Variants in PEAK1 observed in about 807,000 individuals in gnomAD.
PEAK1 encodes the protein pseudopodium enriched atypical kinase 1, also known as inactive tyrosine-protein kinase PEAK1.
A neutral mutation model predicts 124.7 loss-of-function variants in PEAK1; 54 were observed. The observed-to-expected ratio is 0.43, with a 90% CI of 0.35 to 0.54. The LOEUF (loss-of-function observed/expected upper bound fraction) is 0.54. Ranked by LOEUF, PEAK1 falls within the 20% of genes least tolerant of loss-of-function variation. The probability of loss-of-function intolerance (pLI) is 0.01; values close to 1 mark genes in which losing one functional copy is unlikely to be tolerated. For missense variants in PEAK1, 2,046 were observed against 2,134.5 expected (o/e 0.96, Z 0.82); for synonymous variants, 719 against 760.0 (o/e 0.95, Z 0.89).
intron 1 of PEAK1, among the ~76,000 whole-genome samples, chr15:77,405,971 A>G (rs2071781008): frequency 6.6e-6 from 1 of 152,198 alleles, no homozygotes; most frequent in South Asian, 2.1e-4. Context: ...GGTGTGATTT[A>G]CATACTCACT....
intron 5 of PEAK1, among the ~76,000 whole-genome samples, chr15:77,260,631 A>C (rs1418473781): frequency 6.6e-6 from 1 of 152,242 alleles, no homozygotes; most frequent in Non-Finnish European, 1.5e-5. Context: ...TTCACTAGAC[A>C]GATAAGCAGT....
chr15:77,295,147 T>A (rs756105921), intron 2 of PEAK1, among the ~76,000 whole-genome samples: 5 of 152,170 alleles, frequency 3.3e-5, no homozygotes, highest in Non-Finnish European at 7.4e-5. Context: ...AAAGTACCAC[T>A]CAGGGTGACC....
intron 2 of PEAK1, chr15:77,346,729 C>A (rs1357745037): frequency 2.0e-6 from 2 of 983,270 alleles, no homozygotes; most frequent in Non-Finnish European, 2.4e-6. Flanking sequence ...AATGAAAAGA[C>A]ATTTGTACGA....
intron 1 of PEAK1, chr15:77,417,877 G>C (rs998602110): frequency 1.0e-6 from 1 of 985,210 alleles, no homozygotes; most frequent in African/African-American, 1.7e-5. Context: ...GGTTGGCACT[G>C]CTAGATGTTG....
intron 6 of PEAK1, among the ~76,000 whole-genome samples, chr15:77,221,845 A>G (rs576933635): frequency 6.6e-6 from 1 of 152,242 alleles, no homozygotes; most frequent in African/African-American, 2.4e-5. Flanking sequence ...GCCTGAAAAG[A>G]TTACTAACCA....
intron 2 of PEAK1, 29 bp downstream of exon 2, chr15:77,365,134 A>C (rs1018755102): frequency 1.2e-6 from 1 of 800,794 alleles, no homozygotes; most frequent in Admixed American, 6.2e-5. Context: ...TATATATTAA[A>C]AGGCAAATGA....
At position 77,206,928 on chromosome 15, in the gene PEAK1, TG is replaced by T. The variant is rs2058687055; in HGVS notation, c.-114-24889del. Among the ~76,000 whole-genome samples the T allele has an allele frequency of 4.6e-5, 7 of 152,172 alleles. No homozygotes were observed. In the South Asian group the frequency reaches 1.5e-3, roughly 32 times the overall value. On this transcript the variant is annotated intron_variant, in intron 6 of 9. Transcript: ENST00000682557. Reference sequence around the variant, plus strand: ...GTACCAAAACAGAGATATAGATCAATGGAACAGAACAGAGCCCTCAGAAATA... The same window carrying T: ...GTACCAAAACAGAGATATAGATCAATGAACAGAACAGAGCCCTCAGAAATA...
At chr15:77,145,571 T>C (rs1169866789) in intron 8 of PEAK1, among the ~76,000 whole-genome samples, 2 of 152,176 alleles carry the variant, frequency 1.3e-5, no homozygotes, top group African/African-American at 4.8e-5. Flanking sequence ...TAAAGAACAC[T>C]AACAATGACC....
At chr15:77,356,829 T>C (rs187946945) in intron 2 of PEAK1, among the ~76,000 whole-genome samples, 85 of 152,376 alleles carry the variant, frequency 5.6e-4, no homozygotes, top group African/African-American at 2.0e-3. Context: ...ACATGACTTT[T>C]ACAAGAGTAA....
At chr15:77,137,789 C>G (rs1256238063) in intron 8 of PEAK1, among the ~76,000 whole-genome samples, 1 of 152,040 alleles carries the variant, frequency 6.6e-6, no homozygotes, top group African/African-American at 2.4e-5. Flanking sequence ...TTGGAAAGGC[C>G]TGATAGGTTT....
chr15:77,227,857 T>C (rs2152891678), intron 6 of PEAK1, among the ~76,000 whole-genome samples: 1 of 151,466 alleles, frequency 6.6e-6, no homozygotes, highest in East Asian at 1.9e-4. Context: ...ATTAGCCTGG[T>C]ATGGTGGTGC....
intron 2 of PEAK1, among the ~76,000 whole-genome samples, chr15:77,359,491 T>A (rs1327920822): frequency 6.7e-6 from 1 of 148,654 alleles, no homozygotes; most frequent in Non-Finnish European, 1.5e-5. Context: ...ATGAAAGGGA[T>A]CTAGATCAGA....
intron 1 of PEAK1, among the ~76,000 whole-genome samples, chr15:77,387,589 T>C (rs564073760): frequency 6.2e-4 from 95 of 152,262 alleles, no homozygotes; most frequent in African/African-American, 2.2e-3. Flanking sequence ...GAAGTAGCTC[T>C]CCAGTGACAT....
chr15:77,324,882 A>G (rs1255426857), intron 2 of PEAK1, among the ~76,000 whole-genome samples: 1 of 152,192 alleles, frequency 6.6e-6, no homozygotes, highest in Non-Finnish European at 1.5e-5. Context: ...GATGATTACA[A>G]TTCAATGTGA....
chr15:77,400,260 CA>C (rs202065976), intron 1 of PEAK1, among the ~76,000 whole-genome samples: 2 of 151,126 alleles, frequency 1.3e-5, no homozygotes, highest in Admixed American at 6.6e-5. Context: ...GGACATTCCT[CA>C]AAAAAAACAA....
At chr15:77,265,189 G>A (rs2061655412) in intron 5 of PEAK1, among the ~76,000 whole-genome samples, 1 of 152,080 alleles carries the variant, frequency 6.6e-6, no homozygotes, top group South Asian at 2.1e-4. Context: ...CAGGACATAG[G>A]CATGGGCAAG....
chr15:77,202,816 T>G (rs2058434342), intron 6 of PEAK1, among the ~76,000 whole-genome samples: 1 of 150,932 alleles, frequency 6.6e-6, no homozygotes, highest in South Asian at 2.1e-4. Flanking sequence ...GTGGGCAGAC[T>G]GCTTGAGCTC....
At position 77,362,460 on chromosome 15, in the gene PEAK1, A is replaced by T. The variant is rs561094693; in HGVS notation, c.-603+2703T>A. ...TCAAAACCACCATATACCACTTCAC[A>T]TCCACTGAGTGGCTATATTAAACAA... On this transcript the variant is annotated intron_variant, in intron 2 of 9. Coordinates refer to ENST00000682557, the MANE Select transcript of PEAK1 (RefSeq NM_001385026.1). Among the ~76,000 whole-genome samples the T allele has an allele frequency of 4.6e-5, 7 of 152,336 alleles. No individual in the cohort carries two copies. In the East Asian group the frequency reaches 9.6e-4, roughly 21 times the overall value.
intron 1 of PEAK1, among the ~76,000 whole-genome samples, chr15:77,405,973 A>G (rs1567361547): frequency 6.6e-6 from 1 of 152,200 alleles, no homozygotes; most frequent in Non-Finnish European, 1.5e-5. Context: ...TGTGATTTAC[A>G]TACTCACTGA....
Sources: gnomAD v4.1 joint callset for allele counts (sites outside exome capture counted in the v4.1 genomes callset) on GRCh38, gnomAD v4.1.1 for gene constraint, MANE v1.5 for transcripts, NCBI Gene and HGNC (gene_info 2026-07-23, HGNC 2026-07-21) for gene names.